The following PALD1 variants were observed in gnomAD, a reference collection of about 807,000 sequenced individuals.
The protein encoded by PALD1 is phosphatase domain containing paladin 1.
PALD1 carries 57 observed loss-of-function variants against 96.0 expected under a neutral mutation model. That is an observed-to-expected ratio of 0.59 (90% CI 0.48 to 0.74). The LOEUF (loss-of-function observed/expected upper bound fraction) is 0.74, where lower values mean the gene tolerates loss of function less well. Ranked by LOEUF, PALD1 falls within the 30% of genes least tolerant of loss-of-function variation. The probability of loss-of-function intolerance (pLI) is 0.00; values close to 1 mark genes in which losing one functional copy is unlikely to be tolerated. For synonymous variants in PALD1, 464 were observed against 473.6 expected (o/e 0.98, Z 0.26); for missense variants, 1,063 against 1,143.7 (o/e 0.93, Z 1.02).
At chr10:70,503,334 A>G (rs1264253490) in intron 1 of PALD1, among the ~76,000 whole-genome samples, 1 of 152,096 alleles carries the variant, frequency 6.6e-6, no homozygotes, top group Middle Eastern at 3.2e-3. Context: ...AATAATCCAT[A>G]TGTTGAATGA....
intron 18 of PALD1, among the ~76,000 whole-genome samples, chr10:70,556,699 TCAA>T (rs1564711338): frequency 6.6e-6 from 1 of 152,210 alleles, no homozygotes; most frequent in Non-Finnish European, 1.5e-5. Flanking sequence ...CCTGCTTTAT[TCAA>T]CAACAAACAT....
At chr10:70,556,933 A>G (rs1416202675) in intron 18 of PALD1, among the ~76,000 whole-genome samples, 5 of 152,190 alleles carry the variant, frequency 3.3e-5, no homozygotes. Flanking sequence ...TGACTCCAGG[A>G]CCCTGCCTGG....
chr10:70,538,848 A>T, intron 12 of PALD1, 44 bp from the exon 13 acceptor site: 2 of 1,534,854 alleles, frequency 1.3e-6, no homozygotes, highest in Non-Finnish European at 1.8e-6. Flanking sequence ...TTCTGCGGCT[A>T]CAGTCGGCTG....
At chr10:70,531,788 C>T (rs1846998268) in intron 5 of PALD1, among the ~76,000 whole-genome samples, 1 of 152,012 alleles carries the variant, frequency 6.6e-6, no homozygotes, top group South Asian at 2.1e-4. Context: ...TCAAGACCAG[C>T]CTGACCAACG....
rs749789744 is a variant in PALD1 at position 70,538,957 on chromosome 10, C to A, written c.1518C>A (p.Phe506Leu). ...STVREMDVAN[F>L]RRVPRMPIYG... is the part of the protein sequence containing the mutation. ...TCAGAGAGATGGATGTGGCCAACTT[C>A]CGGCGGGTGCCCCGCATGCCCATCT... The change falls in exon 13 of 20, where the codon TTC (phenylalanine) becomes TTA (leucine). Residue 506 changes from phenylalanine (F) to leucine (L), a missense_variant. By Grantham distance (22) the Phe-to-Leu change is conservative (BLOSUM62 0). Coordinates refer to ENST00000263563, the MANE Select transcript of PALD1 (RefSeq NM_014431.3). 4.8e-5 allele frequency: 78 copies of A among 1,613,750 alleles called. 1 individual carries two copies. In the Admixed American group the frequency reaches 1.2e-3, roughly 26 times the overall value.
At position 70,564,482 on chromosome 10, in the gene PALD1, A is replaced by ACTC. The variant is rs1847803051; in HGVS notation, c.2384_2386dup (p.Ser795dup). The ACTC allele has an allele frequency of 6.2e-7, 1 of 1,613,790 alleles. No individual in the cohort carries two copies. The highest frequency in any genetic ancestry group is 1.3e-5 in the African/African-American group (1 of 74,886). Reference sequence around the variant, plus strand: ...GCGTACCTCCACCTGGAGAAGGCCGACTCCTGGCAGAGGCCCTTCAGCACC... The same window carrying ACTC: ...GCGTACCTCCACCTGGAGAAGGCCGACTCCTCCTGGCAGAGGCCCTTCAGCACC... On this transcript the variant is annotated inframe_insertion, in exon 19 of 20. Coordinates refer to ENST00000263563, the MANE Select transcript of PALD1 (RefSeq NM_014431.3).
chr10:70,523,070 T>C (rs2132345448), intron 1 of PALD1, among the ~76,000 whole-genome samples: 1 of 152,322 alleles, frequency 6.6e-6, no homozygotes, highest in South Asian at 2.1e-4. Context: ...GTGGGCTTGA[T>C]TTTCAAAGGA....
rs1225252304 is a variant in PALD1, at chr10:70,531,346, G to A, written c.525G>A (p.Glu175=). The A allele has an allele frequency of 4.3e-6, 7 of 1,613,920 alleles. No homozygotes were observed. The African/African-American group carries it at 6.7e-5, about 15-fold the overall frequency. Residue 175 remains glutamate (E), a synonymous_variant, in exon 5 of 20, where the codon GAG becomes GAA. Coordinates refer to ENST00000263563, the MANE Select transcript of PALD1 (RefSeq NM_014431.3). ...CTGTGCTTTTCCTGCGTGCAGATGAGGACTTTGTGTCCTACACACCTCGAG... is the reference window on the plus strand; with the variant it reads ...CTGTGCTTTTCCTGCGTGCAGATGAAGACTTTGTGTCCTACACACCTCGAG... The part of the protein sequence containing the change: ...EEPVLFLRAD[E]DFVSYTPRDK...
chr10:70,562,623 G>A (rs1050237529), intron 18 of PALD1, among the ~76,000 whole-genome samples: 8 of 152,164 alleles, frequency 5.3e-5, no homozygotes, highest in East Asian at 3.9e-4. Flanking sequence ...CCTGGTGCCC[G>A]AGGGATGACC....
chr10:70,564,328 C>T lies in PALD1; in HGVS notation c.2263-36C>T, dbSNP rs757136610. 5.1e-6 allele frequency: 8 copies of T among 1,577,690 alleles called. No individual in the cohort carries two copies. The South Asian group carries it at 8.1e-5, about 16-fold the overall frequency. ...TGTTTGTGTGTTGGGGGACACGGAT[C>T]CCCCCACACTGACCCCACCCTGTCC... On this transcript the variant is annotated intron_variant, in intron 18 of 19. Coordinates refer to ENST00000263563, the MANE Select transcript of PALD1 (RefSeq NM_014431.3).
rs527530551 is a variant in PALD1, at chr10:70,493,231, C to T, written c.-30+14172C>T. 3.2e-4 allele frequency among the ~76,000 whole-genome samples: 48 copies of T among 152,286 alleles called. 1 individual carries two copies. The South Asian group carries it at 6.4e-3, about 20-fold the overall frequency. ...AACTCCTGGGCTCAAGTGATCTTCC[C>T]GCCACAGCCTCTCAAAATGTTGGAA... On this transcript the variant is annotated intron_variant, in intron 1 of 19. Coordinates refer to ENST00000263563, the MANE Select transcript of PALD1 (RefSeq NM_014431.3).
chr10:70,538,008 A>C, intron 11 of PALD1, 102 bp downstream of exon 11: 1 of 932,060 alleles, frequency 1.1e-6, no homozygotes, highest in Non-Finnish European at 1.7e-6. Flanking sequence ...CCCCCAAGGA[A>C]CCGGGGAGGG....
At chr10:70,548,956 C>T (rs963788051) in intron 18 of PALD1, among the ~76,000 whole-genome samples, 1 of 150,406 alleles carries the variant, frequency 6.6e-6, no homozygotes, top group African/African-American at 2.5e-5. Context: ...CACCTGTAAT[C>T]CCAGCACTTT....
chr10:70,534,058 C>A lies in PALD1; in HGVS notation c.1007C>A (p.Thr336Asn). 1 of 1,605,266 alleles carries A rather than the reference C, an allele frequency of 6.2e-7. No homozygotes were observed. Among genetic ancestry groups the A allele is most frequent in the East Asian group, 2.2e-5 (1 of 44,590 alleles). The change falls in exon 8 of 20, where the codon ACC becomes AAC. Residue 336 changes from threonine (T) to asparagine (N), a missense_variant. Thr to Asn is a moderately conservative substitution (Grantham distance 65, BLOSUM62 0). Transcript: ENST00000263563. ...GTLILLHRSG[T>N]TSQPEAAPTQ... ...CTCATCCTGCTTCACCGCAGTGGGA[C>A]CACCTCCCAGCCAGAGTGAGTGGCC... is the stretch of plus-strand genomic sequence containing the variant.
intron 10 of PALD1, among the ~76,000 whole-genome samples, chr10:70,536,627 T>A (rs1173125052): frequency 6.6e-6 from 1 of 152,262 alleles, no homozygotes; most frequent in Admixed American, 6.5e-5. Context: ...TCTACTCTGC[T>A]GGCCCACGAC....
chr10:70,556,999 G>A (rs1358875946), intron 18 of PALD1, among the ~76,000 whole-genome samples: 4 of 152,220 alleles, frequency 2.6e-5, no homozygotes, highest in Non-Finnish European at 5.9e-5. Flanking sequence ...GGAAGGTTGA[G>A]TAAATCATTG....
At chr10:70,478,535 C>T (rs934065169), upstream of PALD1, among the ~76,000 whole-genome samples, 1 of 152,176 alleles carries the variant, frequency 6.6e-6, no homozygotes, top group Non-Finnish European at 1.5e-5. Context: ...GAGGAACTGG[C>T]TTCCCGGGCA....
At chr10:70,558,549 G>A (rs993041786) in intron 18 of PALD1, among the ~76,000 whole-genome samples, 8 of 152,062 alleles carry the variant, frequency 5.3e-5, no homozygotes, top group Admixed American at 3.9e-4. Flanking sequence ...GGAGATCTGC[G>A]GCAGGCAGCA....
intron 1 of PALD1, among the ~76,000 whole-genome samples, chr10:70,489,569 C>A (rs1846068448): frequency 6.6e-6 from 1 of 152,016 alleles, no homozygotes; most frequent in Non-Finnish European, 1.5e-5. Context: ...GAGGGGAGGA[C>A]CTGGCAGGGA....
Sources: gnomAD v4.1 joint callset for allele counts (sites outside exome capture counted in the v4.1 genomes callset) on GRCh38, gnomAD v4.1.1 for gene constraint, MANE v1.5 for transcripts, NCBI Gene and HGNC (gene_info 2026-07-23, HGNC 2026-07-21) for gene names.